The following SLIT3 variants were observed in gnomAD, a reference collection of about 807,000 sequenced individuals.
SLIT3 encodes slit guidance ligand 3, also known as slit homolog 3 protein.
SLIT3 carries 68 observed loss-of-function variants against 184.0 expected under a neutral mutation model. The ratio of observed to expected loss-of-function variants is 0.37; its 90% CI spans 0.30 to 0.45. The LOEUF (loss-of-function observed/expected upper bound fraction) is 0.45. Among genes scored for constraint, SLIT3 ranks in the 20% least tolerant of loss-of-function variants. SLIT3 has a pLI of 1.00. For missense variants in SLIT3, 1,707 were observed against 2,026.0 expected (o/e 0.84, Z 3.02); for synonymous variants, 831 against 828.6 (o/e 1.00, Z -0.05).
chr5:168,778,217 T>A (rs1755827166), intron 12 of SLIT3, among the ~76,000 whole-genome samples: 1 of 152,154 alleles, frequency 6.6e-6, no homozygotes, highest in Admixed American at 6.5e-5. Flanking sequence ...GGCACTATCT[T>A]ATGTAACCCC....
chr5:168,746,451 AGT>A (rs1217898610), intron 20 of SLIT3, among the ~76,000 whole-genome samples: 473 of 20,556 alleles, frequency 0.023, 4 homozygotes, highest in African/African-American at 0.03. Flanking sequence ...TGGGTGTGGC[AGT>A]GTGTGGTGGT....
At chr5:169,272,298 G>A (rs993051903) in intron 1 of SLIT3, among the ~76,000 whole-genome samples, 2 of 152,176 alleles carry the variant, frequency 1.3e-5, no homozygotes, top group East Asian at 1.9e-4. Context: ...AGATGTTCTC[G>A]GCTGCTTACG....
intron 4 of SLIT3, among the ~76,000 whole-genome samples, chr5:169,005,148 G>A (rs1048442558): frequency 5.9e-5 from 9 of 152,158 alleles, no homozygotes; most frequent in Admixed American, 4.6e-4. Context: ...ACATAATGCT[G>A]TTACAAAATA....
chr5:169,040,833 G>A (rs1011556269), intron 4 of SLIT3, among the ~76,000 whole-genome samples: 15 of 152,188 alleles, frequency 9.9e-5, no homozygotes, highest in African/African-American at 1.9e-4. Context: ...AATAGGCATC[G>A]GCCCATTGCC....
intron 4 of SLIT3, among the ~76,000 whole-genome samples, chr5:169,137,335 C>CACACACAGAGAGAG (rs368371904): frequency 9.4e-5 from 13 of 138,662 alleles, no homozygotes; most frequent in African/African-American, 3.4e-4. Flanking sequence ...CACACACACA[C>CACACACAGAGAGAG]AGAGAGAGAG....
intron 4 of SLIT3, among the ~76,000 whole-genome samples, chr5:169,023,410 T>C (rs1756679551): frequency 6.6e-6 from 1 of 152,186 alleles, no homozygotes; most frequent in African/African-American, 2.4e-5. Flanking sequence ...ATTAAAAGGA[T>C]AATTGTAAGA....
chr5:169,028,933 A>C lies in SLIT3; in HGVS notation c.414-145597T>G, dbSNP rs538883129. ...AAATAAATGTAGAATAGGCCTGGAC[A>C]TATATTGGTGGCTTCAAGGCAAAGG... is the stretch of plus-strand genomic sequence containing the variant. On this transcript the variant is annotated intron_variant, in intron 4 of 35. Transcript: ENST00000519560. Among the ~76,000 whole-genome samples, 8 of 152,338 alleles carry C rather than the reference A, an allele frequency of 5.3e-5. No homozygotes were observed. The East Asian group carries it at 1.4e-3, about 26-fold the overall frequency.
intron 4 of SLIT3, among the ~76,000 whole-genome samples, chr5:169,088,820 G>C (rs1290665680): frequency 6.6e-6 from 1 of 151,810 alleles, no homozygotes; most frequent in Non-Finnish European, 1.5e-5. Context: ...AGGAGTTCAA[G>C]ACCAGCCTGG....
intron 5 of SLIT3, among the ~76,000 whole-genome samples, chr5:168,880,284 C>CA (rs377375207): frequency 1.4e-4 from 21 of 152,186 alleles, no homozygotes; most frequent in African/African-American, 5.1e-4. Flanking sequence ...GGGCAAAAGC[C>CA]ATCCACATTC....
At chr5:169,229,531 G>A (rs529936725) in intron 3 of SLIT3, among the ~76,000 whole-genome samples, 25 of 152,196 alleles carry the variant, frequency 1.6e-4, no homozygotes, top group Non-Finnish European at 3.4e-4. Flanking sequence ...TCTGATGGGA[G>A]AACAGGGAAA....
chr5:169,082,509 A>G (rs1245101604), intron 4 of SLIT3, among the ~76,000 whole-genome samples: 2 of 152,186 alleles, frequency 1.3e-5, no homozygotes, highest in African/African-American at 4.8e-5. Flanking sequence ...ATGTTTGTCT[A>G]TTTACTCTCT....
chr5:168,982,887 T>A (rs1432666333), intron 4 of SLIT3, among the ~76,000 whole-genome samples: 2 of 152,194 alleles, frequency 1.3e-5, no homozygotes, highest in Non-Finnish European at 2.9e-5. Context: ...TGTAATCTTG[T>A]TATTTTATGC....
At chr5:168,954,945 G>A (rs1438663917) in intron 4 of SLIT3, among the ~76,000 whole-genome samples, 2 of 152,160 alleles carry the variant, frequency 1.3e-5, no homozygotes, top group African/African-American at 4.8e-5. Context: ...TTAGCCTTAC[G>A]TCCAAAGCCT....
At chr5:168,996,650 GA>G (rs1273204105) in intron 4 of SLIT3, among the ~76,000 whole-genome samples, 4 of 152,218 alleles carry the variant, frequency 2.6e-5, no homozygotes, top group African/African-American at 9.7e-5. Flanking sequence ...ACATTTCACT[GA>G]TGAATGTTAC....
chr5:168,850,963 A>G (rs12523259), intron 5 of SLIT3, among the ~76,000 whole-genome samples: 26,726 of 152,162 alleles, frequency 0.18, 2,433 homozygotes, highest in East Asian at 0.26. Flanking sequence ...TTTCCTGTAT[A>G]TTGGGCTTTT....
At chr5:168,834,611 T>C (rs941448788) in intron 6 of SLIT3, among the ~76,000 whole-genome samples, 2 of 135,750 alleles carry the variant, frequency 1.5e-5, no homozygotes, top group Admixed American at 1.7e-4. Context: ...GAGGTGAGCC[T>C]GGGAGGTGGA....
At chr5:168,914,306 C>T (rs931518390) in intron 4 of SLIT3, among the ~76,000 whole-genome samples, 3 of 152,084 alleles carry the variant, frequency 2.0e-5, no homozygotes, top group African/African-American at 7.3e-5. Context: ...CACATTGACT[C>T]TGTAGATCAT....
chr5:168,704,577 G>C (rs1762322521), intron 26 of SLIT3, among the ~76,000 whole-genome samples: 1 of 152,162 alleles, frequency 6.6e-6, no homozygotes, highest in African/African-American at 2.4e-5. Flanking sequence ...AACCTTAGTT[G>C]TTTCATCTAT....
intron 12 of SLIT3, among the ~76,000 whole-genome samples, chr5:168,780,076 A>C (rs1242088108): frequency 6.6e-6 from 1 of 152,270 alleles, no homozygotes; most frequent in Admixed American, 6.5e-5. Context: ...GATCAATTGC[A>C]TCAAAAATCA....
Sources: gnomAD v4.1 joint callset for allele counts (sites outside exome capture counted in the v4.1 genomes callset) on GRCh38, gnomAD v4.1.1 for gene constraint, MANE v1.5 for transcripts, NCBI Gene and HGNC (gene_info 2026-07-23, HGNC 2026-07-21) for gene names.